The following MGAM2 variants were observed in gnomAD, a reference collection of about 807,000 sequenced individuals.
MGAM2 encodes the protein probable maltase-glucoamylase 2.
MGAM2 carries 98 observed loss-of-function variants against 96.1 expected under a neutral mutation model. The ratio of observed to expected loss-of-function variants is 1.02; its 90% CI spans 0.87 to 1.21. The LOEUF (loss-of-function observed/expected upper bound fraction) is 1.21. Among genes scored for constraint, MGAM2 ranks in the 50% most tolerant of loss-of-function variants. The probability of loss-of-function intolerance (pLI) is 0.00; values close to 1 mark genes in which losing one functional copy is unlikely to be tolerated. For synonymous variants in MGAM2, 749 were observed against 414.8 expected (o/e 1.81, Z -9.79); for missense variants, 2,055 against 1,182.4 (o/e 1.74, Z -10.82).
intron 31 of MGAM2, among the ~76,000 whole-genome samples, chr7:142,174,763 T>C (rs529696503): frequency 7.4e-4 from 105 of 140,950 alleles, no homozygotes; most frequent in African/African-American, 2.8e-3. Flanking sequence ...CTGCCCAGGC[T>C]GGAGTGCCAT....
chr7:142,174,035 T>A (rs985206796), intron 31 of MGAM2, among the ~76,000 whole-genome samples: 1 of 152,212 alleles, frequency 6.6e-6, no homozygotes, highest in African/African-American at 2.4e-5. Context: ...GCCATTGATT[T>A]ATGTGTCTGT....
At chr7:142,160,102 C>T (rs1450972733) in intron 20 of MGAM2, 32 bp from the exon 21 acceptor site, 2 of 691,528 alleles carry the variant, frequency 2.9e-6, no homozygotes, top group Admixed American at 2.1e-5. Context: ...AGCTTATTAC[C>T]TGATCTATCT....
Position 142,159,305 on chromosome 7 carries a change from G to C in MGAM2, c.2182G>C (p.Ala728Pro), listed in dbSNP as rs1486297506. Residue 728 changes from alanine to proline, a missense_variant, in exon 20 of 48, where the codon GCA becomes CCA. Physicochemically the swap from Ala to Pro is conservative, Grantham distance 27 (BLOSUM62 -1). Transcript: ENST00000477922. ...VLYEGVDEVK[A>P]YIPDATWYDY... Reference sequence around the variant, plus strand: ...TACCTAGGGTGTGGACGAAGTGAAAGCATACATACCTGATGCCACCTGGTA... The same window carrying C: ...TACCTAGGGTGTGGACGAAGTGAAACCATACATACCTGATGCCACCTGGTA... The C allele has an allele frequency of 2.8e-6, 2 of 702,478 alleles. No homozygotes were observed. The highest frequency in any genetic ancestry group is 2.0e-5 in the Admixed American group (1 of 49,994). The allele number at this position is 702,478 out of a possible 1,614,324, so 43.5% of individuals were successfully genotyped here.
At chr7:142,149,490 T>C (rs1795490204) in intron 15 of MGAM2, among the ~76,000 whole-genome samples, 1 of 152,248 alleles carries the variant, frequency 6.6e-6, no homozygotes, top group Admixed American at 6.5e-5. Context: ...GATGTTTACC[T>C]AATTTTTAGA....
intron 21 of MGAM2, 100 bp downstream of exon 21, chr7:142,160,358 G>A: frequency 1.7e-6 from 1 of 576,058 alleles, no homozygotes; most frequent in Non-Finnish European, 3.1e-6. Context: ...TGAGCCAAGG[G>A]ATAAGTCACC....
chr7:142,214,190 C>T (rs1480702221), intron 46 of MGAM2, among the ~76,000 whole-genome samples: 1 of 152,108 alleles, frequency 6.6e-6, no homozygotes, highest in Non-Finnish European at 1.5e-5. Flanking sequence ...GACAAACCAA[C>T]AGCTAATATC....
chr7:142,113,873 G>A (rs985926417), intron 1 of MGAM2, among the ~76,000 whole-genome samples: 1 of 152,076 alleles, frequency 6.6e-6, no homozygotes, highest in Non-Finnish European at 1.5e-5. Flanking sequence ...GCCTCACGCA[G>A]GTAATCCTAG....
chr7:142,123,590 G>A (rs6464462), intron 3 of MGAM2, among the ~76,000 whole-genome samples: 64,333 of 151,852 alleles, frequency 0.42, 14,232 homozygotes, highest in African/African-American at 0.55. Flanking sequence ...CATATTTATG[G>A]AATGTCTTTT....
chr7:142,152,607 G>A (rs996051402), intron 15 of MGAM2, among the ~76,000 whole-genome samples: 2 of 152,178 alleles, frequency 1.3e-5, no homozygotes, highest in South Asian at 2.1e-4. Context: ...TTGAGGAATT[G>A]CCTGGTGCCT....
Position 142,161,205 on chromosome 7 carries a change from T to G in MGAM2, c.2426T>G (p.Val809Gly), listed in dbSNP as rs1299196592. ...AKGELYWDDGVSKDAVTEKKY... is the reference protein window; with the variant it reads ...AKGELYWDDGGSKDAVTEKKY... ...GGGGAGCTGTACTGGGATGACGGTG[T>G]ATCTAAAGGTAGACTTTCTCAAGGC... Residue 809 changes from valine to glycine, a missense_variant, in exon 22 of 48, where the codon GTA becomes GGA. Coordinates refer to ENST00000477922, the MANE Select transcript of MGAM2 (RefSeq NM_001293626.2). 1.4e-6 allele frequency: 1 copy of G among 702,456 alleles called. No individual in the cohort carries two copies. The highest frequency in any genetic ancestry group is 1.5e-5 in the South Asian group (1 of 67,570). The allele number at this position is 702,456 out of a possible 1,614,324, so 43.5% of individuals were successfully genotyped here.
intron 15 of MGAM2, among the ~76,000 whole-genome samples, chr7:142,149,629 C>T (rs1345797512): frequency 6.6e-6 from 1 of 152,026 alleles, no homozygotes; most frequent in Non-Finnish European, 1.5e-5. Flanking sequence ...CAAGCTCCGC[C>T]TCCTGGGTTC....
rs1042006849 is a variant in MGAM2, at chr7:142,222,140, CTCTA to C, written c.*89_*92del. 3 of 396,694 alleles carry C rather than the reference CTCTA, an allele frequency of 7.6e-6. No individual in the cohort carries two copies. Among genetic ancestry groups the C allele is most frequent in the African/African-American group, 4.1e-5 (2 of 48,568 alleles). The allele number at this position is 396,694 out of a possible 1,614,324, so 24.6% of individuals were successfully genotyped here. A position where few individuals can be genotyped will look rare whatever the true frequency, so the allele number is the denominator to read the frequency against. On this transcript the variant is annotated 3_prime_UTR_variant, in exon 48 of 48. Coordinates refer to ENST00000477922, the MANE Select transcript of MGAM2 (RefSeq NM_001293626.2). ...GATATAGAAAATCAGTTACGAGACA[CTCTA>C]TCTATCTTATGCTACTTAAGTTTTC...
chr7:142,136,152 G>A (rs189157764), intron 7 of MGAM2, among the ~76,000 whole-genome samples: 5 of 152,088 alleles, frequency 3.3e-5, no homozygotes, highest in Non-Finnish European at 5.9e-5. Flanking sequence ...AAACTCCAGA[G>A]CTTGCTTCAG....
chr7:142,114,731 T>C (rs1014372895), intron 1 of MGAM2, among the ~76,000 whole-genome samples: 1 of 152,148 alleles, frequency 6.6e-6, no homozygotes, highest in Non-Finnish European at 1.5e-5. Flanking sequence ...AACTGTTTCA[T>C]TGAGAATAGA....
chr7:142,134,976 G>C (rs1795013139), intron 7 of MGAM2, among the ~76,000 whole-genome samples: 1 of 152,082 alleles, frequency 6.6e-6, no homozygotes, highest in African/African-American at 2.4e-5. Context: ...CACTTGTCTT[G>C]TGGCTGACTG....
At chr7:142,201,295 C>T (rs1797223464) in intron 45 of MGAM2, among the ~76,000 whole-genome samples, 2 of 151,790 alleles carry the variant, frequency 1.3e-5, no homozygotes, top group South Asian at 4.2e-4. Context: ...GTCTCGAACT[C>T]TTGGCCTCAA....
At chr7:142,169,593 C>A (rs1379364703) in intron 26 of MGAM2, among the ~76,000 whole-genome samples, 2 of 152,034 alleles carry the variant, frequency 1.3e-5, no homozygotes, top group South Asian at 2.1e-4. Flanking sequence ...TAAGTAGGAA[C>A]AAGGGGTGGA....
chr7:142,189,871 G>A (rs1796816185), intron 37 of MGAM2, among the ~76,000 whole-genome samples: 1 of 152,082 alleles, frequency 6.6e-6, no homozygotes, highest in Non-Finnish European at 1.5e-5. Context: ...CTGTCTATGT[G>A]GATTGCCTAT....
rs1459026797 is a variant in MGAM2, at chr7:142,131,508, C to T, written c.311-10C>T. On this transcript the variant is annotated splice_polypyrimidine_tract_variant and intron_variant, in intron 4 of 47. Coordinates refer to ENST00000477922, the MANE Select transcript of MGAM2 (RefSeq NM_001293626.2). ...TCCTTTTCTCTCTCTCCATATCTTG[C>T]CACCCCTAGGATTTACTGCCCAGTT... The T allele has an allele frequency of 2.8e-6, 2 of 701,924 alleles. No individual in the cohort carries two copies. Among genetic ancestry groups the T allele is most frequent in the Non-Finnish European group, 5.2e-6 (2 of 384,576 alleles). The allele number at this position is 701,924 out of a possible 1,614,324, so 43.5% of individuals were successfully genotyped here. A position where few individuals can be genotyped will look rare whatever the true frequency, so the allele number is the denominator to read the frequency against.
Sources: allele counts gnomAD v4.1 joint callset (sites outside exome capture counted in the v4.1 genomes callset), GRCh38; gene constraint gnomAD v4.1.1; transcripts MANE v1.5; gene names NCBI Gene and HGNC (gene_info 2026-07-23, HGNC 2026-07-21).